The following SVOP variants were observed in gnomAD, a reference collection of about 807,000 sequenced individuals.
SVOP encodes SV2 related protein.
In SVOP, 17 loss-of-function variants were observed where a neutral mutation model predicts 69.1. The observed-to-expected ratio is 0.25, with a 90% confidence interval of 0.17 to 0.37. The LOEUF is 0.37. Ranked by LOEUF, SVOP falls within the 10% of genes least tolerant of loss-of-function variation. The pLI is 1.00. For synonymous variants in SVOP, 238 were observed against 238.6 expected, an observed-to-expected ratio of 1.00 and a Z score of 0.02; for missense variants, 435 against 597.5, an observed-to-expected ratio of 0.73 and a Z score of 2.84.
chr12:109,008,960 C>CTTTTTTTTTTTTTTTTTTTTT (rs71079510), intron 1 of SVOP, among the ~76,000 whole-genome samples: 2 of 112,746 alleles, frequency 1.8e-5, no homozygotes, highest in African/African-American at 3.6e-5. Flanking sequence ...TCTTTTCTTT[C>CTTTTTTTTTTTTTTTTTTTTT]TTTTTTTTTT....
At position 108,928,974 on chromosome 12, in the gene SVOP, A is replaced by T. The variant is rs192361556; in HGVS notation, c.1048+5221T>A. 1.5e-4 allele frequency among the ~76,000 whole-genome samples: 23 copies of T among 152,320 alleles called. No homozygotes were observed. The East Asian group carries it at 4.2e-3, about 28-fold the overall frequency. On this transcript the variant is annotated intron_variant, in intron 11 of 15. Transcript: ENST00000610966. Reference sequence around the variant, plus strand: ...CTTATCTCCAAAGACACAGGGACAGAAAAGAATCTGAACAGGCCTTGCTGA... The same window carrying T: ...CTTATCTCCAAAGACACAGGGACAGTAAAGAATCTGAACAGGCCTTGCTGA...
At chr12:109,008,191 G>A (rs750593653) in intron 1 of SVOP, among the ~76,000 whole-genome samples, 1 of 152,176 alleles carries the variant, frequency 6.6e-6, no homozygotes, top group Non-Finnish European at 1.5e-5. Flanking sequence ...CAAAGCTTCT[G>A]TACCTGAAGC....
intron 15 of SVOP, among the ~76,000 whole-genome samples, chr12:108,913,375 A>T (rs1182106635): frequency 6.6e-6 from 1 of 152,122 alleles, no homozygotes; most frequent in East Asian, 1.9e-4. Context: ...ATTCCTTGAA[A>T]TCAACACAAA....
At chr12:108,952,667 C>G (rs770528981) in intron 6 of SVOP, among the ~76,000 whole-genome samples, 8 of 152,170 alleles carry the variant, frequency 5.3e-5, no homozygotes, top group Non-Finnish European at 1.0e-4. Context: ...TGAGACCGCC[C>G]ACCCTGTGCC....
At chr12:108,949,712 T>C (rs1029465111) in intron 6 of SVOP, among the ~76,000 whole-genome samples, 3 of 151,750 alleles carry the variant, frequency 2.0e-5, no homozygotes, top group African/African-American at 4.9e-5. Flanking sequence ...TTTTTTTTTT[T>C]CTTAACATAC....
rs897458291 is a variant in SVOP at position 108,909,885 on chromosome 12, A to G, written c.*2650T>C. On this transcript the variant is annotated 3_prime_UTR_variant, in exon 16 of 16. Coordinates refer to ENST00000610966, the MANE Select transcript of SVOP (RefSeq NM_018711.5). ...TTCAGAAGTTTGGGTGCCTTTTGTG[A>G]TAGCTCTTGTATCATTTGATAATAT... The G allele has an allele frequency of 2.6e-5, 4 of 152,214 alleles. No homozygotes were observed. Among genetic ancestry groups the G allele is most frequent in the African/African-American group, 9.7e-5 (4 of 41,448 alleles). The allele number at this position is 152,214 out of a possible 1,614,324, so 9.4% of individuals were successfully genotyped here. A position where few individuals can be genotyped will look rare whatever the true frequency, so the allele number is the denominator to read the frequency against.
At position 108,922,577 on chromosome 12, in the gene SVOP, C is replaced by T. The variant is rs866644578; in HGVS notation, c.1156+113G>A. 15 of 745,982 alleles carry T rather than the reference C, an allele frequency of 2.0e-5. No individual in the cohort carries two copies. The Middle Eastern group carries it at 2.8e-3, about 140-fold the overall frequency. The allele number at this position is 745,982 out of a possible 1,614,324, so 46.2% of individuals were successfully genotyped here. On this transcript the variant is annotated intron_variant, in intron 12 of 15. Coordinates refer to ENST00000610966, the MANE Select transcript of SVOP (RefSeq NM_018711.5). ...TTAAGGATTGAAAAACAAAGTCCCT[C>T]GCTGACTAAAAATGGGATTTGCTTC...
chr12:109,016,436 G>A (rs531254145), intron 1 of SVOP, among the ~76,000 whole-genome samples: 2 of 152,302 alleles, frequency 1.3e-5, no homozygotes, highest in South Asian at 4.1e-4. Context: ...GCAGGATGAT[G>A]TCCCAACTCC....
chr12:108,982,791 TCATCATCATCAC>T (rs1207615833), intron 2 of SVOP, among the ~76,000 whole-genome samples: 1 of 68,354 alleles, frequency 1.5e-5, no homozygotes, highest in Admixed American at 1.1e-4. Flanking sequence ...ATCATCACTA[TCATCATCATCAC>T]CATCATCATC....
chr12:108,944,045 AC>A (rs1220269245), intron 7 of SVOP, among the ~76,000 whole-genome samples: 3 of 151,328 alleles, frequency 2.0e-5, no homozygotes, highest in Non-Finnish European at 4.4e-5. Flanking sequence ...CACCTGACTA[AC>A]TTTTTGTATT....
chr12:108,945,355 A>G (rs941975557), intron 6 of SVOP, among the ~76,000 whole-genome samples, 189 bp from the exon 7 acceptor site: 1 of 152,058 alleles, frequency 6.6e-6, no homozygotes, highest in Non-Finnish European at 1.5e-5. Flanking sequence ...ACCTTCAGAA[A>G]CAGACTCCAA....
At chr12:108,919,462 C>T (rs1295511852) in intron 13 of SVOP, among the ~76,000 whole-genome samples, 2 of 151,998 alleles carry the variant, frequency 1.3e-5, no homozygotes, top group South Asian at 2.1e-4. Context: ...TATACACACA[C>T]CTGGGTCTGC....
intron 13 of SVOP, among the ~76,000 whole-genome samples, chr12:108,918,356 G>A (rs999528210): frequency 6.6e-6 from 1 of 152,190 alleles, no homozygotes; most frequent in African/African-American, 2.4e-5. Context: ...AACACCTGTG[G>A]TGCCCAGGAT....
chr12:108,918,719 C>T (rs956461024), intron 13 of SVOP, among the ~76,000 whole-genome samples: 4 of 152,076 alleles, frequency 2.6e-5, no homozygotes, highest in South Asian at 2.1e-4. Flanking sequence ...AATGTTAAAA[C>T]GGGATTACAA....
chr12:108,972,889 G>A (rs1436561378), intron 4 of SVOP, among the ~76,000 whole-genome samples: 1 of 152,224 alleles, frequency 6.6e-6, no homozygotes, highest in Non-Finnish European at 1.5e-5. Context: ...ACAGGAGGCT[G>A]GCATGGGAGC....
Position 108,945,082 on chromosome 12 carries a change from C to A in SVOP, c.642+21G>T, listed in dbSNP as rs768957529. Reference sequence around the variant, plus strand: ...GCCGGAATCCACATGCTCTAGAGACCCAGGCCGCTCTCCTCCTTACCTCAA... The same window carrying A: ...GCCGGAATCCACATGCTCTAGAGACACAGGCCGCTCTCCTCCTTACCTCAA... On this transcript the variant is annotated intron_variant, in intron 7 of 15. Transcript: ENST00000610966. The A allele has an allele frequency of 2.0e-6, 3 of 1,536,534 alleles. No homozygotes were observed. In the East Asian group the frequency reaches 7.3e-5, roughly 38 times the overall value.
rs115939049 is a variant in SVOP, at chr12:108,938,792, C to T, written c.897+35G>A. On this transcript the variant is annotated intron_variant, in intron 9 of 15. Transcript: ENST00000610966. ...ACACTCCCCTGCATGCACCCCGATA[C>T]GCACATTGCAGAGTCTATTGGTCCA... The T allele has an allele frequency of 1.2e-4, 201 of 1,613,648 alleles. No homozygotes were observed. The African/African-American group carries it at 2.1e-3, about 16-fold the overall frequency.
chr12:108,919,384 C>T (rs60572903), intron 13 of SVOP, among the ~76,000 whole-genome samples: 5,250 of 151,650 alleles, frequency 0.035, 107 homozygotes, highest in East Asian at 0.074. Context: ...CACACCTGGG[C>T]CTATACCCAC....
intron 5 of SVOP, among the ~76,000 whole-genome samples, chr12:108,970,019 C>A (rs139307168): frequency 1.1e-3 from 174 of 152,316 alleles, no homozygotes; most frequent in African/African-American, 4.0e-3. Flanking sequence ...TTCCAGCCTG[C>A]TGCCTCTGGA....
Sources: gnomAD v4.1 joint callset for allele counts (sites outside exome capture counted in the v4.1 genomes callset) on GRCh38, gnomAD v4.1.1 for gene constraint, MANE v1.5 for transcripts, NCBI Gene and HGNC (gene_info 2026-07-23, HGNC 2026-07-21) for gene names.